PLIN3: variants seen among roughly 807,000 people sequenced by gnomAD.
PLIN3 encodes perilipin-3.
A neutral mutation model predicts 35.9 loss-of-function variants in PLIN3; 30 were observed. That is an observed-to-expected ratio of 0.84 (90% CI 0.62 to 1.13). PLIN3 has a LOEUF of 1.13. PLIN3 is among the 50% of genes most tolerant of loss of function. PLIN3 has a pLI of 0.00. For missense variants in PLIN3, 603 were observed against 596.9 expected, an observed-to-expected ratio of 1.01 and a Z score of -0.11; for synonymous variants, 261 against 262.5, an observed-to-expected ratio of 0.99 and a Z score of 0.06.
Position 4,846,319 on chromosome 19 carries a change from A to G in PLIN3, c.834+1372T>C, listed in dbSNP as rs938424604. Among the ~76,000 whole-genome samples, 6 of 19,780 alleles carry G rather than the reference A, an allele frequency of 3.0e-4. 1 individual carries two copies. Among genetic ancestry groups the G allele is most frequent in the Admixed American group, 7.7e-4 (1 of 1,294 alleles). The allele number at this position is 19,780 out of a possible 152,430, so 13.0% of individuals were successfully genotyped here. On this transcript the variant is annotated intron_variant, in intron 6 of 7. Transcript: ENST00000221957. ...CAACAGAGTGAGCCCCTGTCTCTGGAAAAAAAAAAAAAAAAATCGTCATAA... is the reference window on the plus strand; with the variant it reads ...CAACAGAGTGAGCCCCTGTCTCTGGGAAAAAAAAAAAAAAAATCGTCATAA...
Position 4,839,482 on chromosome 19 carries a change from CCTGCAGTTG to C in PLIN3, c.1006_1014del (p.Gln336_Gln338del). On this transcript the variant is annotated inframe_deletion, in exon 8 of 8. Coordinates refer to ENST00000221957, the MANE Select transcript of PLIN3 (RefSeq NM_005817.5). ...CTGGACCCCAGGGAGGTACAGGTGG[CCTGCAGTTG>C]CTGGGCAATGTCCCGGAACATGGTG... 1 of 1,552,712 alleles carries C rather than the reference CCTGCAGTTG, an allele frequency of 6.4e-7. No individual in the cohort carries two copies. Among genetic ancestry groups the C allele is most frequent in the African/African-American group, 1.4e-5 (1 of 73,658 alleles).
intron 1 of PLIN3, among the ~76,000 whole-genome samples, chr19:4,864,466 TG>T (rs1264130950): frequency 4.0e-5 from 6 of 149,128 alleles, no homozygotes; most frequent in Non-Finnish European, 4.5e-5. Flanking sequence ...TTTTTTTTTT[TG>T]TTGTTGTTGT....
intron 4 of PLIN3, among the ~76,000 whole-genome samples, chr19:4,853,139 A>AT (rs1398480247): frequency 4.1e-5 from 6 of 145,226 alleles, no homozygotes; most frequent in African/African-American, 1.3e-4. Context: ...TTTCAATTTA[A>AT]TTTTTTTTCT....
At chr19:4,866,387 G>A (rs1036355036) in intron 1 of PLIN3, among the ~76,000 whole-genome samples, 1 of 152,138 alleles carries the variant, frequency 6.6e-6, no homozygotes, top group African/African-American at 2.4e-5. Flanking sequence ...CATCCCCTAG[G>A]AGTCTTGCTT....
chr19:4,860,044 C>T lies in PLIN3; in HGVS notation c.67-20G>A, dbSNP rs1448178114. On this transcript the variant is annotated intron_variant, in intron 2 of 7. Transcript: ENST00000221957. ...ACTGGGCTACAGGAGAGAAGTGGCTCAGGCAAACTGGGTGGGGGAAGATGG... is the reference window on the plus strand; with the variant it reads ...ACTGGGCTACAGGAGAGAAGTGGCTTAGGCAAACTGGGTGGGGGAAGATGG... The T allele has an allele frequency of 6.2e-7, 1 of 1,612,200 alleles. No individual in the cohort carries two copies. Among genetic ancestry groups the T allele is most frequent in the Non-Finnish European group, 8.5e-7 (1 of 1,178,704 alleles).
Position 4,847,813 on chromosome 19 carries a change from G to T in PLIN3, c.712C>A (p.Arg238Ser), listed in dbSNP as rs146789635. Reference sequence around the variant, plus strand: ...AGCCTCTCCGACAGGGAGCCCAGACGTACGAAGTAGCTCTGTTCCTGCCGC... The same window carrying T: ...AGCCTCTCCGACAGGGAGCCCAGACTTACGAAGTAGCTCTGTTCCTGCCGC... ...QQRQEQSYFV[R>S]LGSLSERLRQ... is the part of the protein sequence containing the mutation. The change falls in exon 6 of 8, where the codon CGT (arginine) becomes AGT (serine). Residue 238 changes from arginine to serine, a missense_variant. By Grantham distance (110) the Arg-to-Ser change is moderately radical. Transcript: ENST00000221957. The T allele has an allele frequency of 3.1e-6, 5 of 1,613,810 alleles. No homozygotes were observed. The South Asian group carries it at 5.5e-5, about 18-fold the overall frequency.
chr19:4,839,497 C>A lies in PLIN3; in HGVS notation c.1000G>T (p.Ala334Ser). 1 of 1,545,604 alleles carries A rather than the reference C, an allele frequency of 6.5e-7. No individual in the cohort carries two copies. The highest frequency in any genetic ancestry group is 8.8e-7 in the Non-Finnish European group (1 of 1,140,908). The change falls in exon 8 of 8, where the codon GCC (alanine) becomes TCC (serine). Residue 334 changes from alanine (A) to serine (S), a missense_variant. Physicochemically the swap from Ala to Ser is moderately conservative, Grantham distance 99 (BLOSUM62 1). Coordinates refer to ENST00000221957, the MANE Select transcript of PLIN3 (RefSeq NM_005817.5). ...SRALTMFRDI[A>S]QQLQATCTSL... Reference sequence around the variant, plus strand: ...GTACAGGTGGCCTGCAGTTGCTGGGCAATGTCCCGGAACATGGTGAGCGCC... The same window carrying A: ...GTACAGGTGGCCTGCAGTTGCTGGGAAATGTCCCGGAACATGGTGAGCGCC...
At chr19:4,861,545 A>G (rs553677178) in intron 1 of PLIN3, 134 bp from the exon 2 acceptor site, 52 of 625,774 alleles carry the variant, frequency 8.3e-5, no homozygotes, top group Admixed American at 3.6e-4. Context: ...AGTCCTTAGC[A>G]GGCACAAGAG....
At chr19:4,848,015 G>A (rs534913236) in intron 5 of PLIN3, 125 bp from the exon 6 acceptor site, 97 of 754,630 alleles carry the variant, frequency 1.3e-4, no homozygotes, top group African/African-American at 8.4e-4. Flanking sequence ...ATGGAGTCTC[G>A]CTCTGTCGCC....
chr19:4,847,644 C>T lies in PLIN3; in HGVS notation c.834+47G>A, dbSNP rs200378184. ...CTGAGCTCTGGGTGGGTGTCTGCTG[C>T]GGGGTGAAGGCTGCTGGCTCAGGGC... On this transcript the variant is annotated intron_variant, in intron 6 of 7. Transcript: ENST00000221957. 26 of 1,490,210 alleles carry T rather than the reference C, an allele frequency of 1.7e-5. No individual in the cohort carries two copies. In the East Asian group the frequency reaches 2.9e-4, roughly 17 times the overall value. The allele number at this position is 1,490,210 out of a possible 1,614,324, so 92.3% of individuals were successfully genotyped here. A position where few individuals can be genotyped will look rare whatever the true frequency, so the allele number is the denominator to read the frequency against.
chr19:4,845,904 T>A (rs1320813696), intron 6 of PLIN3, among the ~76,000 whole-genome samples: 2 of 116,304 alleles, frequency 1.7e-5, no homozygotes, highest in Non-Finnish European at 3.4e-5. Flanking sequence ...CCAGCCTGGG[T>A]GACAGAGCGA....
chr19:4,866,785 C>T (rs917958534), intron 1 of PLIN3: 3 of 152,552 alleles, frequency 2.0e-5, no homozygotes, highest in East Asian at 1.9e-4. Flanking sequence ...CCTCCCGTCC[C>T]CTCTGTCCAC....
intron 4 of PLIN3, among the ~76,000 whole-genome samples, chr19:4,857,072 T>C (rs2030500590): frequency 6.6e-6 from 1 of 152,018 alleles, no homozygotes; most frequent in South Asian, 2.1e-4. Flanking sequence ...CAAATTCTTA[T>C]GTTGAAGTCC....
chr19:4,843,332 G>A (rs1050565217), intron 7 of PLIN3, among the ~76,000 whole-genome samples: 8 of 151,770 alleles, frequency 5.3e-5, no homozygotes, highest in East Asian at 3.9e-4. Context: ...CGGTGAAATC[G>A]CGTCTCTACT....
chr19:4,839,211 G>C lies in PLIN3; in HGVS notation c.1286C>G (p.Ala429Gly), dbSNP rs765188417. The C allele has an allele frequency of 6.2e-7, 1 of 1,606,594 alleles. No individual in the cohort carries two copies. Among genetic ancestry groups the C allele is most frequent in the Non-Finnish European group, 8.5e-7 (1 of 1,174,272 alleles). Residue 429 changes from alanine to glycine, a missense_variant, in exon 8 of 8, where the codon GCC (alanine) becomes GGC (glycine). Coordinates refer to ENST00000221957, the MANE Select transcript of PLIN3 (RefSeq NM_005817.5). ...GPFAPGITEK[A>G]PEEKK ...CTCCCCCTACTTCTTCTCCTCCGGG[G>C]CTTTCTCAGTGATTCCAGGGGCAAA...
At chr19:4,867,555 C>G (rs1461183697) in intron 1 of PLIN3, 54 bp downstream of exon 1, 1 of 152,024 alleles carries the variant, frequency 6.6e-6, no homozygotes, top group Non-Finnish European at 1.5e-5. Context: ...TGGGGTGCCC[C>G]AGGACTCCAT....
chr19:4,852,379 G>T, intron 4 of PLIN3, 78 bp from the exon 5 acceptor site: 1 of 1,519,844 alleles, frequency 6.6e-7, no homozygotes, highest in Non-Finnish European at 8.8e-7. Context: ...CAACTTCCAG[G>T]GAGACCGAGG....
At position 4,839,392 on chromosome 19, in the gene PLIN3, G is replaced by A. The variant is rs759524583; in HGVS notation, c.1105C>T (p.Leu369Phe). The change falls in exon 8 of 8, where the codon CTC (leucine) becomes TTC (phenylalanine). Residue 369 changes from leucine to phenylalanine, a missense_variant. Transcript: ENST00000221957. The part of the protein sequence containing the change: ...VQQARRQVED[L>F]QATFSSIHSF... ...TGGATGCTGGAAAACGTGGCCTGGA[G>A]GTCCTCCACCTGGCGGCGGGCCTGC... The A allele has an allele frequency of 8.1e-6, 13 of 1,611,842 alleles. No individual in the cohort carries two copies. Among genetic ancestry groups the A allele is most frequent in the African/African-American group, 4.0e-5 (3 of 74,890 alleles).
chr19:4,862,133 CTTT>C (rs34562088), intron 1 of PLIN3, among the ~76,000 whole-genome samples: 5 of 131,000 alleles, frequency 3.8e-5, no homozygotes, highest in Admixed American at 7.9e-5. Context: ...GAGATGTTAT[CTTT>C]TTTTTTTTTT....
Sources: gnomAD v4.1 joint callset for allele counts (sites outside exome capture counted in the v4.1 genomes callset) on GRCh38, gnomAD v4.1.1 for gene constraint, MANE v1.5 for transcripts, NCBI Gene and HGNC (gene_info 2026-07-23, HGNC 2026-07-21) for gene names.